Variants in ALG12 observed in about 807,000 individuals in gnomAD.
The protein encoded by ALG12 is ALG12 alpha-1,6-mannosyltransferase, also known as dol-P-Man:Man(7)GlcNAc(2)-PP-Dol alpha-1,6-mannosyltransferase.
In ALG12, 36 loss-of-function variants were observed where a neutral mutation model predicts 46.0. The ratio of observed to expected loss-of-function variants is 0.78; its 90% CI spans 0.60 to 1.03. The LOEUF (loss-of-function observed/expected upper bound fraction) is 1.03. Ranked by LOEUF, ALG12 falls within the 50% of genes least tolerant of loss-of-function variation. The pLI, the probability that ALG12 is intolerant of heterozygous loss-of-function variation, is 0.00. For missense variants in ALG12, 599 were observed against 633.5 expected (o/e 0.95, Z 0.58); for synonymous variants, 326 against 291.6 (o/e 1.12, Z -1.20).
chr22:49,917,601 G>A (rs2060619968), intron 1 of ALG12, among the ~76,000 whole-genome samples: 1 of 152,202 alleles, frequency 6.6e-6, no homozygotes, highest in Non-Finnish European at 1.5e-5. Flanking sequence ...CTGGAAGGCG[G>A]AGCTTGCAGT....
In ALG12 at chr22:49,910,411, A is replaced by G. The variant is rs923272463; in HGVS notation, c.469+23T>C. The G allele has an allele frequency of 7.4e-6, 12 of 1,611,108 alleles. 1 individual carries two copies. The South Asian group carries it at 1.1e-4, about 15-fold the overall frequency. On this transcript the variant is annotated intron_variant, in intron 4 of 9. Coordinates refer to ENST00000330817, the MANE Select transcript of ALG12 (RefSeq NM_024105.4). Reference sequence around the variant, plus strand: ...CCCCTGCCCGGCACCATGGGTGTGCAGGCCCGGCCGGCAGCTACGTACCTA... The same window carrying G: ...CCCCTGCCCGGCACCATGGGTGTGCGGGCCCGGCCGGCAGCTACGTACCTA...
intron 6 of ALG12, 122 bp downstream of exon 6, chr22:49,909,122 T>C: frequency 2.8e-6 from 3 of 1,078,092 alleles, no homozygotes; most frequent in South Asian, 1.3e-5. Context: ...AGGGGCTCCA[T>C]CCTGACCCTG....
chr22:49,905,939 T>C lies in ALG12; in HGVS notation c.993-1433A>G, dbSNP rs8135071. Among the ~76,000 whole-genome samples, 54,423 of 152,010 alleles carry C rather than the reference T, an allele frequency of 0.36. 13,885 individuals carry two copies. Among genetic ancestry groups the C allele is most frequent in the African/African-American group, 0.73 (30,197 of 41,432 alleles). ...CCAAACCTGGAGTGGGCAGTCACTG[T>C]GGAAAGCTCGCAATCAGAAACCTTC... is the stretch of plus-strand genomic sequence containing the variant. On this transcript the variant is annotated intron_variant, in intron 7 of 9. Transcript: ENST00000330817. The surrounding 1 kb of genome is among the most constrained non-coding windows in gnomAD (Gnocchi z 4.9).
chr22:49,911,874 T>G (rs1406091201), intron 3 of ALG12, among the ~76,000 whole-genome samples: 1 of 152,178 alleles, frequency 6.6e-6, no homozygotes, highest in Non-Finnish European at 1.5e-5. Flanking sequence ...CTTTTCCCCA[T>G]CAGGTCCATC....
At position 49,901,862 on chromosome 22, in the gene ALG12, T is replaced by C. The variant is rs1379152865; in HGVS notation, c.*1976A>G. 1 of 120,850 alleles carries C rather than the reference T, an allele frequency of 8.3e-6. No homozygotes were observed. Among genetic ancestry groups the C allele is most frequent in the Non-Finnish European group, 1.7e-5 (1 of 59,850 alleles). 7.5% of individuals were successfully genotyped at this position (120,850 alleles called of 1,614,324 possible). On this transcript the variant is annotated 3_prime_UTR_variant, in exon 10 of 10. Coordinates refer to ENST00000330817, the MANE Select transcript of ALG12 (RefSeq NM_024105.4). ...GGTGTGTGCACGTGTGCACTGTGTGTGGTGTGTATTCATGGTGTGTGCACG... is the reference window on the plus strand; with the variant it reads ...GGTGTGTGCACGTGTGCACTGTGTGCGGTGTGTATTCATGGTGTGTGCACG...
At chr22:49,882,097 C>T in the ALG12 span, among the ~76,000 whole-genome samples, 1 of 152,168 alleles carries the variant, frequency 6.6e-6, no homozygotes, top group Non-Finnish European at 1.5e-5. Context: ...GACTTCAGTT[C>T]TTGGTTCCTG....
In ALG12 at chr22:49,910,102, C is replaced by T. The variant is rs748855474; in HGVS notation, c.470-14G>A. On this transcript the variant is annotated splice_polypyrimidine_tract_variant and intron_variant, in intron 4 of 9. Coordinates refer to ENST00000330817, the MANE Select transcript of ALG12 (RefSeq NM_024105.4). ...GGGCCAGCAGGACTGCAAGACAGTG[C>T]GGGAGGGTGCTCGTCAAGACACAGG... 1.4e-5 allele frequency: 22 copies of T among 1,592,260 alleles called. 1 individual carries two copies. Among genetic ancestry groups the T allele is most frequent in the Middle Eastern group, 1.7e-4 (1 of 5,930 alleles).
At chr22:49,885,662 C>T in the ALG12 span, 3 of 1,612,862 alleles carry the variant, frequency 1.9e-6, no homozygotes, top group Non-Finnish European at 2.5e-6. Flanking sequence ...GAAATGATTG[C>T]ACTTGACCTC....
At chr22:49,865,301 G>A in the ALG12 span, among the ~76,000 whole-genome samples, 2 of 152,088 alleles carry the variant, frequency 1.3e-5, no homozygotes, top group East Asian at 1.9e-4. Context: ...TGTGGGGTGC[G>A]CTGCTCTTTG....
At chr22:49,870,378 T>C in the ALG12 span, among the ~76,000 whole-genome samples, 1 of 152,216 alleles carries the variant, frequency 6.6e-6, no homozygotes, top group South Asian at 2.1e-4. Context: ...TAGCTCTGTT[T>C]TTAGTTCTTT....
At chr22:49,894,402 T>TA in the ALG12 span, among the ~76,000 whole-genome samples, 1 of 152,198 alleles carries the variant, frequency 6.6e-6, no homozygotes, top group Non-Finnish European at 1.5e-5. Flanking sequence ...TTAAGTGTGT[T>TA]AGATTGGATA....
the ALG12 span, among the ~76,000 whole-genome samples, chr22:49,871,519 A>T: frequency 6.6e-6 from 1 of 152,082 alleles, no homozygotes; most frequent in East Asian, 1.9e-4. Flanking sequence ...AGTATAATGT[A>T]GTCTGGTAAG....
At chr22:49,865,992 G>A in the ALG12 span, among the ~76,000 whole-genome samples, 2 of 151,946 alleles carry the variant, frequency 1.3e-5, no homozygotes, top group Non-Finnish European at 2.9e-5. Flanking sequence ...ATACGCGTGG[G>A]CCACTGTGCC....
chr22:49,898,264 TC>T (rs138033522), downstream of ALG12, among the ~76,000 whole-genome samples: 1,314 of 152,212 alleles, frequency 8.6e-3, 21 homozygotes, highest in African/African-American at 0.031. Context: ...TTCCTCAGCC[TC>T]CCAAAGTACT....
At chr22:49,896,611 T>C (rs1181508715), downstream of ALG12, among the ~76,000 whole-genome samples, 1 of 152,212 alleles carries the variant, frequency 6.6e-6, no homozygotes, top group Non-Finnish European at 1.5e-5. Context: ...TTTACCTTGG[T>C]ACTTTGTCCT....
chr22:49,877,874 C>T, the ALG12 span, among the ~76,000 whole-genome samples: 20 of 152,130 alleles, frequency 1.3e-4, no homozygotes, highest in Non-Finnish European at 1.9e-4. Context: ...AGGATTGTTT[C>T]GAGATTCATC....
At chr22:49,889,304 G>T in the ALG12 span, 3 of 167,038 alleles carry the variant, frequency 1.8e-5, no homozygotes, top group Non-Finnish European at 4.4e-5. Context: ...TTTTAACATG[G>T]TGTCTTGGCT....
chr22:49,911,719 C>T (rs897462081), intron 3 of ALG12, among the ~76,000 whole-genome samples: 1 of 152,234 alleles, frequency 6.6e-6, no homozygotes, highest in South Asian at 2.1e-4. Context: ...CAGGCGTGAG[C>T]CACCATGCCC....
the ALG12 span, among the ~76,000 whole-genome samples, chr22:49,871,139 C>T: frequency 1.0e-4 from 1 of 9,766 alleles, no homozygotes; most frequent in East Asian, 4.8e-3. Context: ...TGGGGTTTCA[C>T]CCTGTTGGCC....
Sources: allele counts gnomAD v4.1 joint callset (sites outside exome capture counted in the v4.1 genomes callset), GRCh38; gene constraint gnomAD v4.1.1; non-coding constraint Gnocchi (gnomAD v3.1); transcripts MANE v1.5; gene names NCBI Gene and HGNC (gene_info 2026-07-23, HGNC 2026-07-21).